Variants in SLC44A5 observed in about 807,000 individuals in gnomAD.
SLC44A5 encodes solute carrier family 44 member 5, also known as choline transporter-like protein 5.
In SLC44A5, 57 loss-of-function variants were observed where a neutral mutation model predicts 101.8. That is an observed-to-expected ratio of 0.56 (90% CI 0.45 to 0.70). SLC44A5 has a LOEUF of 0.70. Among genes scored for constraint, SLC44A5 ranks in the 30% least tolerant of loss-of-function variants. SLC44A5 has a pLI of 0.00. For missense variants in SLC44A5, 737 were observed against 853.1 expected, an observed-to-expected ratio of 0.86 and a Z score of 1.70; for synonymous variants, 281 against 290.9, an observed-to-expected ratio of 0.97 and a Z score of 0.35.
intron 6 of SLC44A5, among the ~76,000 whole-genome samples, chr1:75,272,256 C>CT (rs1651538309): frequency 6.7e-6 from 1 of 149,674 alleles, no homozygotes; most frequent in South Asian, 2.1e-4. Flanking sequence ...TTCTCCCACT[C>CT]TTTGAGTTGT....
intron 4 of SLC44A5, among the ~76,000 whole-genome samples, chr1:75,315,069 G>A (rs767610953): frequency 1.3e-5 from 2 of 152,040 alleles, no homozygotes; most frequent in African/African-American, 2.4e-5. Context: ...CCACCACAAA[G>A]CAATTGTTTC....
At chr1:75,676,097 G>A in the SLC44A5 span, among the ~76,000 whole-genome samples, 1 of 152,152 alleles carries the variant, frequency 6.6e-6, no homozygotes, top group Non-Finnish European at 1.5e-5. Context: ...CATTGTTGGT[G>A]GGAATGTAAA....
At chr1:75,714,606 CCA>C in the SLC44A5 span, among the ~76,000 whole-genome samples, 2 of 152,196 alleles carry the variant, frequency 1.3e-5, no homozygotes, top group African/African-American at 2.4e-5. Context: ...CTATAAAATC[CCA>C]CAGTCTCTGC....
chr1:75,394,667 T>C (rs571845446), intron 3 of SLC44A5, among the ~76,000 whole-genome samples: 2 of 152,272 alleles, frequency 1.3e-5, no homozygotes, highest in Non-Finnish European at 2.9e-5. Flanking sequence ...ATGTGTCCTA[T>C]GGGTTAACAC....
intron 1 of SLC44A5, chr1:75,582,062 A>G: frequency 4.4e-6 from 3 of 688,696 alleles, no homozygotes; most frequent in South Asian, 3.0e-5. Flanking sequence ...TTTCACTTCC[A>G]GGCGCTTCAG....
chr1:75,229,399 C>T (rs988656418), intron 12 of SLC44A5, among the ~76,000 whole-genome samples: 8 of 152,090 alleles, frequency 5.3e-5, no homozygotes, highest in Non-Finnish European at 7.4e-5. Context: ...TCTATGACCT[C>T]ATCTCCTACT....
intron 4 of SLC44A5, among the ~76,000 whole-genome samples, chr1:75,319,258 C>G (rs1459490502): frequency 3.3e-5 from 5 of 152,156 alleles, no homozygotes; most frequent in Non-Finnish European, 5.9e-5. Context: ...CAAAAACATT[C>G]TCTCTGAATA....
the SLC44A5 span, among the ~76,000 whole-genome samples, chr1:75,707,970 G>A: frequency 6.6e-6 from 1 of 151,988 alleles, no homozygotes; most frequent in Non-Finnish European, 1.5e-5. Flanking sequence ...TAACTTGTAT[G>A]GTATTTGACA....
intron 1 of SLC44A5, among the ~76,000 whole-genome samples, chr1:75,605,940 C>A (rs1377953305): frequency 1.3e-5 from 2 of 151,954 alleles, no homozygotes; most frequent in African/African-American, 4.8e-5. Context: ...ACTAGGTAAT[C>A]TTTTGTTGTG....
At chr1:75,662,418 G>A in the SLC44A5 span, among the ~76,000 whole-genome samples, 1 of 151,992 alleles carries the variant, frequency 6.6e-6, no homozygotes, top group Non-Finnish European at 1.5e-5. Flanking sequence ...AGCTAGATAA[G>A]AGGAATAAGT....
chr1:75,689,821 A>G, the SLC44A5 span, among the ~76,000 whole-genome samples: 6 of 152,286 alleles, frequency 3.9e-5, no homozygotes, highest in East Asian at 1.2e-3. Context: ...CCTTATTACT[A>G]CTAATCTTTG....
intron 1 of SLC44A5, among the ~76,000 whole-genome samples, chr1:75,576,790 A>G (rs1364559930): frequency 6.6e-6 from 1 of 152,154 alleles, no homozygotes; most frequent in Non-Finnish European, 1.5e-5. Flanking sequence ...CTGTGATGTC[A>G]GACTGCCCAG....
the SLC44A5 span, among the ~76,000 whole-genome samples, chr1:75,705,777 T>C: frequency 6.6e-6 from 1 of 152,024 alleles, no homozygotes; most frequent in Non-Finnish European, 1.5e-5. Context: ...CTGCACCGGG[T>C]TCAAGTGATT....
rs376450372 is a variant in SLC44A5, at chr1:75,290,562, G to T, written c.175+10050C>A. ...CTGACAGGAGCAGGAGCCTTAGAGA[G>T]GTGTAGCCAAACTGTTGTGACCCAT... is the stretch of plus-strand genomic sequence containing the variant. On this transcript the variant is annotated intron_variant, in intron 5 of 23. Coordinates refer to ENST00000370859, the MANE Select transcript of SLC44A5 (RefSeq NM_001130058.2). 2.2e-4 allele frequency among the ~76,000 whole-genome samples: 33 copies of T among 152,058 alleles called. 1 individual carries two copies. In the East Asian group the frequency reaches 3.3e-3, roughly 15 times the overall value.
the SLC44A5 span, among the ~76,000 whole-genome samples, chr1:75,702,110 C>G: frequency 6.6e-6 from 1 of 152,002 alleles, no homozygotes; most frequent in Non-Finnish European, 1.5e-5. Context: ...TCAATGCCAT[C>G]CCCAACAAGC....
rs375437016 is a variant in SLC44A5 at position 75,298,579 on chromosome 1, C to T, written c.175+2033G>A. ...TGGGTTTTCCCACTCTATATAAGGACACAAAGCATTTTTCTGTGGACTACA... is the reference window on the plus strand; with the variant it reads ...TGGGTTTTCCCACTCTATATAAGGATACAAAGCATTTTTCTGTGGACTACA... On this transcript the variant is annotated intron_variant, in intron 5 of 23. Coordinates refer to ENST00000370859, the MANE Select transcript of SLC44A5 (RefSeq NM_001130058.2). 6.8e-4 allele frequency among the ~76,000 whole-genome samples: 104 copies of T among 152,016 alleles called. 2 individuals are homozygous for T. In the South Asian group the frequency reaches 0.011, roughly 15 times the overall value.
At chr1:75,305,707 C>G (rs1186994438) in intron 4 of SLC44A5, among the ~76,000 whole-genome samples, 1 of 152,210 alleles carries the variant, frequency 6.6e-6, no homozygotes, top group South Asian at 2.1e-4. Flanking sequence ...ATGGGATAGC[C>G]AGGGTTTACA....
the SLC44A5 span, among the ~76,000 whole-genome samples, chr1:75,630,282 C>A: frequency 6.6e-6 from 1 of 152,106 alleles, no homozygotes; most frequent in African/African-American, 2.4e-5. Flanking sequence ...CTGGGGTCCA[C>A]CTCTCAGTTC....
At chr1:75,629,658 G>A in the SLC44A5 span, among the ~76,000 whole-genome samples, 1 of 152,094 alleles carries the variant, frequency 6.6e-6, no homozygotes, top group Non-Finnish European at 1.5e-5. Context: ...AAGATAAAAA[G>A]AAGGGACACA....
Sources: allele counts gnomAD v4.1 joint callset (sites outside exome capture counted in the v4.1 genomes callset), GRCh38; gene constraint gnomAD v4.1.1; transcripts MANE v1.5; gene names NCBI Gene and HGNC (gene_info 2026-07-23, HGNC 2026-07-21).